ANO3: variants seen among roughly 807,000 people sequenced by gnomAD.
ANO3 encodes the protein anoctamin 3.
In ANO3, 99 loss-of-function variants were observed where a neutral mutation model predicts 144.8. The observed-to-expected ratio is 0.68, with a 90% CI of 0.58 to 0.81. The LOEUF is 0.81. ANO3 is among the 30% of genes least tolerant of loss of function. ANO3 has a pLI of 0.00. For missense variants in ANO3, 905 were observed against 1,202.2 expected (o/e 0.75, Z 3.66); for synonymous variants, 414 against 392.6 (o/e 1.05, Z -0.64).
At chr11:26,315,659 G>GTCTGTCTA (rs1854606246) in intron 1 of ANO3, among the ~76,000 whole-genome samples, 1 of 146,054 alleles carries the variant, frequency 6.8e-6, no homozygotes, top group African/African-American at 2.7e-5. Flanking sequence ...CTATCTGTCT[G>GTCTGTCTA]TCTATCTATC....
At chr11:26,436,703 T>C (rs371081485) in intron 1 of ANO3, among the ~76,000 whole-genome samples, 6 of 152,222 alleles carry the variant, frequency 3.9e-5, no homozygotes, top group African/African-American at 1.4e-4. Context: ...GGGGGTCCAC[T>C]CCAGCCTCTT....
chr11:26,613,904 G>T (rs1852172653), intron 17 of ANO3, among the ~76,000 whole-genome samples: 2 of 152,234 alleles, frequency 1.3e-5, no homozygotes, highest in East Asian at 3.9e-4. Flanking sequence ...TTCCTGCAGA[G>T]GCACTGGCCA....
intron 1 of ANO3, among the ~76,000 whole-genome samples, chr11:26,431,462 TA>T (rs1216619218): frequency 6.6e-6 from 1 of 152,176 alleles, no homozygotes; most frequent in Non-Finnish European, 1.5e-5. Flanking sequence ...GTTACAGAGA[TA>T]AACTCGTGCC....
chr11:26,269,100 ATTCAC>A (rs1455847118), intron 1 of ANO3, among the ~76,000 whole-genome samples: 1 of 152,126 alleles, frequency 6.6e-6, no homozygotes, highest in Non-Finnish European at 1.5e-5. Context: ...GCCTTACAAG[ATTCAC>A]CAGGAAACGG....
chr11:26,500,781 GA>G lies in ANO3; in HGVS notation c.433-7313del, dbSNP rs201532205. Among the ~76,000 whole-genome samples, 346 of 145,322 alleles carry G rather than the reference GA, an allele frequency of 2.4e-3. 2 individuals carry two copies. Among genetic ancestry groups the G allele is most frequent in the East Asian group, 0.019 (93 of 5,008 alleles). ...CACTTGCTTTATGGTATATTTTGCA[GA>G]AAAAAAAAACCACCAAAAAAAGAAA... On this transcript the variant is annotated intron_variant, in intron 4 of 26. Transcript: ENST00000256737.
intron 24 of ANO3, among the ~76,000 whole-genome samples, chr11:26,654,699 C>T (rs1853630156): frequency 6.6e-6 from 1 of 152,088 alleles, no homozygotes; most frequent in Non-Finnish European, 1.5e-5. Context: ...ACATATGAAG[C>T]ATTTCACTGT....
At chr11:26,233,358 T>G (rs1018361869) in intron 1 of ANO3, among the ~76,000 whole-genome samples, 4 of 152,206 alleles carry the variant, frequency 2.6e-5, no homozygotes, top group Non-Finnish European at 5.9e-5. Context: ...TCATCACTGG[T>G]CATTAGAGAA....
chr11:26,647,534 G>GA (rs1417895823), intron 23 of ANO3, among the ~76,000 whole-genome samples, 175 bp from the exon 24 acceptor site: 1 of 152,164 alleles, frequency 6.6e-6, no homozygotes, highest in Non-Finnish European at 1.5e-5. Flanking sequence ...TCTCTTTGTG[G>GA]AAAAAGTGTA....
intron 14 of ANO3, among the ~76,000 whole-genome samples, chr11:26,595,940 T>A (rs972285946): frequency 6.6e-6 from 1 of 152,236 alleles, no homozygotes; most frequent in African/African-American, 2.4e-5. Context: ...CCGCTACCAA[T>A]TGAATGCATT....
chr11:26,324,389 A>G (rs1350970749), intron 1 of ANO3, among the ~76,000 whole-genome samples: 1 of 152,180 alleles, frequency 6.6e-6, no homozygotes, highest in Non-Finnish European at 1.5e-5. Context: ...ATGTACCCCA[A>G]AATACACACT....
intron 4 of ANO3, among the ~76,000 whole-genome samples, chr11:26,476,932 T>TGTGTGTGAGAGA (rs1334120290): frequency 7.5e-6 from 1 of 133,958 alleles, no homozygotes; most frequent in Non-Finnish European, 1.6e-5. Flanking sequence ...TGTGTGTGTG[T>TGTGTGTGAGAGA]GAGAGAGAGA....
At chr11:26,425,630 C>T (rs1857897326) in intron 1 of ANO3, among the ~76,000 whole-genome samples, 1 of 151,960 alleles carries the variant, frequency 6.6e-6, no homozygotes, top group Non-Finnish European at 1.5e-5. Context: ...TAAGTAACTG[C>T]AAAACAAAAG....
At chr11:26,317,727 A>G (rs914639940) in intron 1 of ANO3, among the ~76,000 whole-genome samples, 24 of 152,194 alleles carry the variant, frequency 1.6e-4, no homozygotes, top group African/African-American at 5.8e-4. Context: ...AGAACCAGAA[A>G]TACCATTTGA....
chr11:26,633,289 C>A (rs1007428106), intron 18 of ANO3, among the ~76,000 whole-genome samples: 3 of 152,062 alleles, frequency 2.0e-5, no homozygotes, highest in Non-Finnish European at 2.9e-5. Context: ...ATGTTAGAGT[C>A]GACAGGGTTT....
At chr11:26,545,065 G>A (rs1430373793) in intron 11 of ANO3, among the ~76,000 whole-genome samples, 3 of 151,936 alleles carry the variant, frequency 2.0e-5, no homozygotes, top group Admixed American at 6.6e-5. Context: ...TTTATGCATA[G>A]CATTTTCTAC....
At chr11:26,364,570 A>G (rs1001113811) in intron 1 of ANO3, among the ~76,000 whole-genome samples, 1 of 152,204 alleles carries the variant, frequency 6.6e-6, no homozygotes. Flanking sequence ...GGAGCTTTCA[A>G]TCATAACAGA....
intron 18 of ANO3, among the ~76,000 whole-genome samples, chr11:26,628,825 T>G (rs1412136246): frequency 6.6e-6 from 1 of 152,186 alleles, no homozygotes; most frequent in East Asian, 1.9e-4. Context: ...ATCACATCTG[T>G]TTCCTCATAT....
chr11:26,361,557 A>G (rs1169858111), intron 1 of ANO3, among the ~76,000 whole-genome samples: 1 of 152,158 alleles, frequency 6.6e-6, no homozygotes, highest in Non-Finnish European at 1.5e-5. Flanking sequence ...TTTGCAATAA[A>G]TATACTTATT....
chr11:26,491,597 C>T (rs548834426), intron 4 of ANO3, among the ~76,000 whole-genome samples: 38 of 152,240 alleles, frequency 2.5e-4, no homozygotes, highest in African/African-American at 7.0e-4. Flanking sequence ...GGAGGCCACA[C>T]GAGGTGTCAG....
Sources: gnomAD v4.1 joint callset for allele counts (sites outside exome capture counted in the v4.1 genomes callset) on GRCh38, gnomAD v4.1.1 for gene constraint, MANE v1.5 for transcripts, NCBI Gene and HGNC (gene_info 2026-07-23, HGNC 2026-07-21) for gene names.